SART3: variants seen among roughly 807,000 people sequenced by gnomAD.
The protein encoded by SART3 is spliceosome associated factor 3, U4/U6 recycling protein.
Under a neutral mutation model 122.3 loss-of-function variants are expected in SART3, and 44 were observed. That is an observed-to-expected ratio of 0.36 (90% CI 0.28 to 0.46). The LOEUF is 0.46. Ranked by LOEUF, SART3 falls within the 20% of genes least tolerant of loss-of-function variation. The pLI is 1.00. For missense variants in SART3, 1,101 were observed against 1,229.0 expected (o/e 0.90, Z 1.56); for synonymous variants, 442 against 454.0 (o/e 0.97, Z 0.34).
chr12:108,535,475 T>C lies in SART3; in HGVS notation c.1447-7A>G, dbSNP rs760819097. ...TGTTATTGCACAGTCGAGCCTAAAG[T>C]GCATCAGCAGGCTGTTAGGAGACCT... is the stretch of plus-strand genomic sequence containing the variant. On this transcript the variant is annotated splice_polypyrimidine_tract_variant and splice_region_variant and intron_variant, in intron 11 of 18. Transcript: ENST00000546815. 6.2e-7 allele frequency: 1 copy of C among 1,612,774 alleles called. No homozygotes were observed. The highest frequency in any genetic ancestry group is 1.6e-4 in the Middle Eastern group (1 of 6,062).
chr12:108,539,116 TTTAG>T, intron 6 of SART3, 27 bp from the exon 7 acceptor site: 1 of 1,613,750 alleles, frequency 6.2e-7, no homozygotes, highest in Admixed American at 1.7e-5. Flanking sequence ...TTGTATTGAA[TTTAG>T]TTACTGGCAG....
At chr12:108,550,787 G>A (rs544013732) in intron 1 of SART3, among the ~76,000 whole-genome samples, 10 of 152,230 alleles carry the variant, frequency 6.6e-5, no homozygotes, top group East Asian at 1.9e-4. Flanking sequence ...GCTTGAACCC[G>A]GGAGGCGGAG....
chr12:108,534,534 G>T (rs572291875), intron 12 of SART3, among the ~76,000 whole-genome samples: 11 of 151,500 alleles, frequency 7.3e-5, no homozygotes, highest in Non-Finnish European at 1.5e-4. Flanking sequence ...CCAAAAATTA[G>T]CCAGGTGTGG....
chr12:108,555,934 TC>T (rs1336815129), intron 1 of SART3, among the ~76,000 whole-genome samples: 1 of 152,166 alleles, frequency 6.6e-6, no homozygotes, highest in Admixed American at 6.5e-5. Context: ...AATAAGTTAA[TC>T]AGTGGAATTG....
At chr12:108,556,203 C>T (rs1274248477) in intron 1 of SART3, among the ~76,000 whole-genome samples, 2 of 152,156 alleles carry the variant, frequency 1.3e-5, no homozygotes, top group Admixed American at 1.3e-4. Context: ...GTGATCCTCC[C>T]GCCTCAGCCT....
intron 18 of SART3, 31 bp downstream of exon 18, chr12:108,524,285 G>C (rs1231620789): frequency 6.3e-7 from 1 of 1,594,176 alleles, no homozygotes; most frequent in African/African-American, 1.3e-5. Flanking sequence ...CCAGGACGAA[G>C]TTTGCACTAG....
chr12:108,535,558 A>G, intron 11 of SART3, 90 bp from the exon 12 acceptor site: 1 of 1,040,304 alleles, frequency 9.6e-7, no homozygotes, highest in Non-Finnish European at 1.5e-6. Flanking sequence ...ACACATAAAA[A>G]GCACCCCACA....
At chr12:108,558,376 G>A (rs1338710079) in intron 1 of SART3, among the ~76,000 whole-genome samples, 1 of 152,186 alleles carries the variant, frequency 6.6e-6, no homozygotes, top group African/African-American at 2.4e-5. Context: ...AGGACAAAGA[G>A]GATAAGGCCA....
intron 9 of SART3, 45 bp downstream of exon 9, chr12:108,537,443 T>C (rs1872963348): frequency 5.4e-6 from 8 of 1,478,926 alleles, no homozygotes; most frequent in Non-Finnish European, 7.6e-6. Context: ...AAAGTTGTAT[T>C]AAGAACATGT....
intron 1 of SART3, among the ~76,000 whole-genome samples, chr12:108,557,306 C>A (rs771243250): frequency 1.3e-5 from 2 of 150,068 alleles, no homozygotes; most frequent in Non-Finnish European, 1.5e-5. Context: ...CTCTGCCTCC[C>A]GGGTTCAGGC....
At chr12:108,544,947 A>G in intron 4 of SART3, 192 bp downstream of exon 4, 1 of 689,800 alleles carries the variant, frequency 1.4e-6, no homozygotes, top group Non-Finnish European at 2.6e-6. Context: ...TCTTCCATAC[A>G]TATTGTACCA....
rs553939768 is a variant in SART3 at position 108,544,810 on chromosome 12, T to C, written c.729+329A>G. 3 of 568,768 alleles carry C rather than the reference T, an allele frequency of 5.3e-6. No homozygotes were observed. In the Admixed American group the frequency reaches 9.1e-5, roughly 17 times the overall value. The allele number at this position is 568,768 out of a possible 1,614,324, so 35.2% of individuals were successfully genotyped here. A position where few individuals can be genotyped will look rare whatever the true frequency, so the allele number is the denominator to read the frequency against. On this transcript the variant is annotated intron_variant, in intron 4 of 18. Transcript: ENST00000546815. The stretch of plus-strand genomic sequence containing the variant: ...GTACTCCTGAACTCAAGTGATCCTC[T>C]GGCCTCAGCCTCCCAAACTGCTGGA...
intron 1 of SART3, among the ~76,000 whole-genome samples, chr12:108,555,501 C>A (rs1448330289): frequency 1.3e-5 from 2 of 152,128 alleles, no homozygotes; most frequent in Non-Finnish European, 2.9e-5. Context: ...CCCGTCTCTA[C>A]AAAAACTGTA....
chr12:108,534,306 G>A (rs1475946706), intron 12 of SART3, among the ~76,000 whole-genome samples: 1 of 151,936 alleles, frequency 6.6e-6, no homozygotes, highest in Non-Finnish European at 1.5e-5. Flanking sequence ...TGGATCCTGA[G>A]ACCAAAAAAA....
At chr12:108,540,641 CAAA>C (rs36065481) in intron 6 of SART3, among the ~76,000 whole-genome samples, 41 of 125,828 alleles carry the variant, frequency 3.3e-4, no homozygotes, top group Non-Finnish European at 4.9e-4. Context: ...GCATTGAAGG[CAAA>C]AAAAAAAAAA....
intron 2 of SART3, among the ~76,000 whole-genome samples, chr12:108,548,273 A>C (rs1873524423): frequency 6.6e-6 from 1 of 152,250 alleles, no homozygotes; most frequent in Admixed American, 6.5e-5. Context: ...AAGGTTGGTG[A>C]TAGTAACACT....
intron 2 of SART3, among the ~76,000 whole-genome samples, chr12:108,548,366 T>TAGGATAGGATG (rs1344332741): frequency 7.9e-5 from 12 of 152,224 alleles, no homozygotes; most frequent in Non-Finnish European, 1.6e-4. Flanking sequence ...TCCTATACCG[T>TAGGATAGGATG]CATACATTAC....
In SART3 at chr12:108,535,413, G is replaced by C; in HGVS notation, c.1502C>G (p.Thr501Ser). Reference sequence around the variant, plus strand: ...GTTGGCGTACTTGGCATTTCCTCTGGTCATGATGCTATCCCAGAGTTCCCG... The same window carrying C: ...GTTGGCGTACTTGGCATTTCCTCTGCTCATGATGCTATCCCAGAGTTCCCG... ...KARELWDSIM[T>S]RGNAKYANMW... is the part of the protein sequence containing the mutation. Residue 501 changes from threonine (T) to serine (S), a missense_variant, in exon 12 of 19, where the codon ACC (threonine) becomes AGC (serine). Thr to Ser is a moderately conservative substitution (Grantham distance 58). Around this residue, in one of 2 missense-constraint regions of SART3, gnomAD observed 885 missense variants for 1,080.1 expected, o/e 0.82. Transcript: ENST00000546815. 1 of 1,614,010 alleles carries C rather than the reference G, an allele frequency of 6.2e-7. No individual in the cohort carries two copies. Among genetic ancestry groups the C allele is most frequent in the South Asian group, 1.1e-5 (1 of 91,068 alleles).
chr12:108,542,427 T>C (rs1031704407), intron 6 of SART3, among the ~76,000 whole-genome samples: 2 of 152,194 alleles, frequency 1.3e-5, no homozygotes, highest in African/African-American at 2.4e-5. Context: ...CTCTTTTTCA[T>C]GTGTACAAGG....
Sources: allele counts gnomAD v4.1 joint callset (sites outside exome capture counted in the v4.1 genomes callset), GRCh38; gene constraint gnomAD v4.1.1; regional missense constraint gnomAD v4.1.1; transcripts MANE v1.5; gene names NCBI Gene and HGNC (gene_info 2026-07-23, HGNC 2026-07-21).